The following KIF21A variants were observed in gnomAD, a reference collection of about 807,000 sequenced individuals.
KIF21A encodes the protein kinesin family member 21A, also known as kinesin-like protein KIF21A.
A neutral mutation model predicts 202.9 loss-of-function variants in KIF21A; 114 were observed. That is an observed-to-expected ratio of 0.56 (90% CI 0.48 to 0.66). The LOEUF (loss-of-function observed/expected upper bound fraction) is 0.66. Ranked by LOEUF, KIF21A falls within the 30% of genes least tolerant of loss-of-function variation. KIF21A has a pLI of 0.00. For missense variants in KIF21A, 1,677 were observed against 1,994.9 expected, an observed-to-expected ratio of 0.84 and a Z score of 3.04; for synonymous variants, 667 against 670.8, an observed-to-expected ratio of 0.99 and a Z score of 0.09.
intron 23 of KIF21A, 143 bp downstream of exon 23, chr12:39,330,603 A>T (rs2138072633): frequency 1.3e-6 from 1 of 790,826 alleles, no homozygotes; most frequent in East Asian, 2.7e-5. Flanking sequence ...ACACATGCAA[A>T]TTAAAGAAAG....
At chr12:39,405,067 T>C (rs1407728125) in intron 1 of KIF21A, among the ~76,000 whole-genome samples, 1 of 152,150 alleles carries the variant, frequency 6.6e-6, no homozygotes, top group Non-Finnish European at 1.5e-5. Context: ...AAAAATATAC[T>C]TGAAGGCCAG....
At chr12:39,389,200 A>ACACACACACG in intron 1 of KIF21A, among the ~76,000 whole-genome samples, 1 of 151,998 alleles carries the variant, frequency 6.6e-6, no homozygotes, top group African/African-American at 2.4e-5. Flanking sequence ...ACACACACAC[A>ACACACACACG]CACACACACA....
At chr12:39,429,763 A>G (rs924100048) in intron 1 of KIF21A, among the ~76,000 whole-genome samples, 1 of 152,212 alleles carries the variant, frequency 6.6e-6, no homozygotes, top group African/African-American at 2.4e-5. Context: ...GAAAGAAATT[A>G]TGGTTAGTTA....
Position 39,337,088 on chromosome 12 carries a change from C to A in KIF21A, c.2418+8G>T. ...TTCTTATATAACTGAGAGTTAAAAT[C>A]CACTTACATCTCTTTTACGTTGATC... is the stretch of plus-strand genomic sequence containing the variant. On this transcript the variant is annotated splice_region_variant and intron_variant, in intron 17 of 37. Transcript: ENST00000361418. 1 of 1,544,058 alleles carries A rather than the reference C, an allele frequency of 6.5e-7. No individual in the cohort carries two copies.
At chr12:39,319,088 C>T (rs1944914309) in intron 28 of KIF21A, among the ~76,000 whole-genome samples, 3 of 152,078 alleles carry the variant, frequency 2.0e-5, no homozygotes, top group Admixed American at 2.0e-4. Context: ...ATAGAATTGT[C>T]CATTTAGGCA....
intron 1 of KIF21A, among the ~76,000 whole-genome samples, chr12:39,439,008 T>C (rs1249221514): frequency 6.6e-6 from 1 of 152,196 alleles, no homozygotes; most frequent in African/African-American, 2.4e-5. Flanking sequence ...CCATTCAACT[T>C]ACCACATTTC....
At chr12:39,437,737 G>A (rs1006959759) in intron 1 of KIF21A, among the ~76,000 whole-genome samples, 3 of 152,148 alleles carry the variant, frequency 2.0e-5, no homozygotes, top group African/African-American at 7.2e-5. Context: ...ATGAAAGCAA[G>A]GACAACATAC....
chr12:39,297,283 C>T (rs754923510), intron 37 of KIF21A, among the ~76,000 whole-genome samples: 1 of 152,244 alleles, frequency 6.6e-6, no homozygotes, highest in Non-Finnish European at 1.5e-5. Flanking sequence ...AAGACACATG[C>T]ACACGTATGT....
chr12:39,396,493 C>T (rs942645976), intron 1 of KIF21A, among the ~76,000 whole-genome samples: 1 of 152,118 alleles, frequency 6.6e-6, no homozygotes, highest in Non-Finnish European at 1.5e-5. Flanking sequence ...TATATTTTTA[C>T]GTCCCTAAGC....
intron 4 of KIF21A, 149 bp downstream of exon 4, chr12:39,367,734 T>C (rs1425568667): frequency 1.7e-5 from 11 of 651,788 alleles, no homozygotes; most frequent in South Asian, 6.2e-5. Context: ...TTCTGATTTT[T>C]TAAATGTGAG....
intron 37 of KIF21A, among the ~76,000 whole-genome samples, chr12:39,296,092 A>G (rs1029199825): frequency 2.8e-5 from 4 of 143,406 alleles, no homozygotes; most frequent in African/African-American, 7.9e-5. Flanking sequence ...TTTTTTAAAC[A>G]GAGTCTCACT....
At chr12:39,295,459 G>GA (rs749367458) in intron 37 of KIF21A, among the ~76,000 whole-genome samples, 2 of 151,954 alleles carry the variant, frequency 1.3e-5, no homozygotes, top group Non-Finnish European at 2.9e-5. Context: ...CATCCCAAGG[G>GA]AAAAAAGGTT....
chr12:39,340,104 T>C, intron 16 of KIF21A, 61 bp downstream of exon 16: 14 of 1,312,932 alleles, frequency 1.1e-5, no homozygotes, highest in Non-Finnish European at 1.5e-5. Flanking sequence ...TGTTTATTTT[T>C]TGTCCCAAAT....
rs766429919 is a variant in KIF21A, at chr12:39,337,167, T to C, written c.2347A>G (p.Lys783Glu). Residue 783 changes from lysine (K) to glutamate (E), a missense_variant, in exon 17 of 38, where the codon AAA (lysine) becomes GAA (glutamate). By Grantham distance (56) the Lys-to-Glu change is moderately conservative. Around this residue, in one of 3 missense-constraint regions of KIF21A, gnomAD observed 966 missense variants for 1,180.9 expected, o/e 0.82. Coordinates refer to ENST00000361418, the MANE Select transcript of KIF21A (RefSeq NM_001173464.2). Reference protein sequence around the residue: ...LMKQMKEEQEKARLTESRRNR... With the variant: ...LMKQMKEEQEEARLTESRRNR... Reference sequence around the variant, plus strand: ...CTTCTAGACTCAGTCAGTCTGGCTTTCTCTTGTTCTTCTTTCATTTGTTTC... The same window carrying C: ...CTTCTAGACTCAGTCAGTCTGGCTTCCTCTTGTTCTTCTTTCATTTGTTTC... The C allele has an allele frequency of 1.2e-6, 2 of 1,612,630 alleles. No homozygotes were observed. Among genetic ancestry groups the C allele is most frequent in the Non-Finnish European group, 1.7e-6 (2 of 1,179,440 alleles).
Position 39,332,423 on chromosome 12 carries a change from G to A in KIF21A, c.2857-15C>T. ...TCCTCCCGTTGCTATTGAGAAAGCA[G>A]GTTGGATTTTAAGAAATTATGTTCA... On this transcript the variant is annotated splice_polypyrimidine_tract_variant and intron_variant, in intron 20 of 37. Coordinates refer to ENST00000361418, the MANE Select transcript of KIF21A (RefSeq NM_001173464.2). 2 of 1,612,674 alleles carry A rather than the reference G, an allele frequency of 1.2e-6. No individual in the cohort carries two copies. The highest frequency in any genetic ancestry group is 8.5e-7 in the Non-Finnish European group (1 of 1,178,880).
chr12:39,407,940 C>T (rs1952739865), intron 1 of KIF21A, among the ~76,000 whole-genome samples: 1 of 149,786 alleles, frequency 6.7e-6, no homozygotes, highest in Admixed American at 6.7e-5. Context: ...AAATAAGTAG[C>T]ATAAAATCAA....
rs144415726 is a variant in KIF21A at position 39,334,328 on chromosome 12, C to T, written c.2419-1048G>A. On this transcript the variant is annotated intron_variant, in intron 17 of 37. Transcript: ENST00000361418. ...GATCTTGGACAAAGTTTAAGAATGA[C>T]AGTTCACTACAAACTTCCTTTCTAG... Among the ~76,000 whole-genome samples, 405 of 152,016 alleles carry T rather than the reference C, an allele frequency of 2.7e-3. 9 individuals are homozygous for T. Among genetic ancestry groups the T allele is most frequent in the Non-Finnish European group, 8.1e-4 (55 of 67,964 alleles).
chr12:39,294,218 A>G lies in KIF21A; in HGVS notation c.*206T>C. On this transcript the variant is annotated 3_prime_UTR_variant, in exon 38 of 38. Coordinates refer to ENST00000361418, the MANE Select transcript of KIF21A (RefSeq NM_001173464.2). ...AAGCAATATATCAATTGTAGGATAT[A>G]TATCTATTGGTTGATCTTAAAACTA... The G allele has an allele frequency of 9.6e-6, 5 of 518,972 alleles. No individual in the cohort carries two copies. The highest frequency in any genetic ancestry group is 7.0e-6 in the Non-Finnish European group (2 of 286,298). 32.1% of individuals were successfully genotyped at this position (518,972 alleles called of 1,614,324 possible). A position where few individuals can be genotyped will look rare whatever the true frequency, so the allele number is the denominator to read the frequency against.
chr12:39,422,591 C>T (rs1954391168), intron 1 of KIF21A, among the ~76,000 whole-genome samples: 1 of 152,118 alleles, frequency 6.6e-6, no homozygotes, highest in African/African-American at 2.4e-5. Context: ...CATGGGACAC[C>T]TCAAAACTTT....
Sources: gnomAD v4.1 joint callset for allele counts (sites outside exome capture counted in the v4.1 genomes callset) on GRCh38, gnomAD v4.1.1 for gene constraint, gnomAD v4.1.1 regional missense constraint, MANE v1.5 for transcripts, NCBI Gene and HGNC (gene_info 2026-07-23, HGNC 2026-07-21) for gene names.